Variants in ZNF385B observed in about 807,000 individuals in gnomAD.
The protein encoded by ZNF385B is zinc finger protein 385B.
ZNF385B carries 23 observed loss-of-function variants against 39.2 expected under a neutral mutation model. That is an observed-to-expected ratio of 0.59 (90% CI 0.42 to 0.83). The LOEUF (loss-of-function observed/expected upper bound fraction) is 0.83, where lower values mean the gene tolerates loss of function less well. Ranked by LOEUF, ZNF385B falls within the 40% of genes least tolerant of loss-of-function variation. The probability of loss-of-function intolerance (pLI) is 0.00; values close to 1 mark genes in which losing one functional copy is unlikely to be tolerated. For missense variants in ZNF385B, 552 were observed against 598.9 expected, an observed-to-expected ratio of 0.92 and a Z score of 0.82; for synonymous variants, 205 against 222.6, an observed-to-expected ratio of 0.92 and a Z score of 0.70.
At chr2:179,722,753 AAG>A in intron 3 of ZNF385B, among the ~76,000 whole-genome samples, 1 of 152,300 alleles carries the variant, frequency 6.6e-6, no homozygotes, top group East Asian at 1.9e-4. Flanking sequence ...TAATTTTACT[AAG>A]AGTCACCAAA....
chr2:179,733,782 CAA>C (rs11400555), intron 3 of ZNF385B, among the ~76,000 whole-genome samples: 14,616 of 103,008 alleles, frequency 0.14, 771 homozygotes, highest in East Asian at 0.43. Context: ...GACTCCGTCT[CAA>C]AAAAAAAAAA....
At chr2:179,504,287 T>C (rs1048036461) in intron 5 of ZNF385B, among the ~76,000 whole-genome samples, 7 of 152,002 alleles carry the variant, frequency 4.6e-5, no homozygotes, top group African/African-American at 1.7e-4. Flanking sequence ...TGTTGGACAT[T>C]TGGGTTGGTT....
chr2:179,857,479 T>C (rs1684694650), intron 1 of ZNF385B, among the ~76,000 whole-genome samples: 1 of 152,174 alleles, frequency 6.6e-6, no homozygotes, highest in African/African-American at 2.4e-5. Flanking sequence ...ACTGACTCTC[T>C]CGACAAGTGG....
chr2:179,646,578 C>G (rs1692739569), intron 3 of ZNF385B, among the ~76,000 whole-genome samples: 1 of 152,160 alleles, frequency 6.6e-6, no homozygotes, highest in African/African-American at 2.4e-5. Context: ...GCCCTCAGCC[C>G]AGGGCCCAAA....
intron 5 of ZNF385B, among the ~76,000 whole-genome samples, chr2:179,505,107 A>G (rs1160794478): frequency 6.6e-6 from 1 of 152,134 alleles, no homozygotes; most frequent in Non-Finnish European, 1.5e-5. Context: ...ATGGTTGAAT[A>G]CAGAGGGCCG....
At chr2:179,519,619 C>T (rs1262077667) in intron 4 of ZNF385B, among the ~76,000 whole-genome samples, 1 of 152,160 alleles carries the variant, frequency 6.6e-6, no homozygotes, top group African/African-American at 2.4e-5. Context: ...TGAAAAGAGA[C>T]ACAGCAGTGA....
chr2:179,477,571 GA>G (rs1034005635), intron 6 of ZNF385B, among the ~76,000 whole-genome samples: 1 of 152,104 alleles, frequency 6.6e-6, no homozygotes, highest in African/African-American at 2.4e-5. Flanking sequence ...AAAATGCATT[GA>G]AAATGGGGAG....
At chr2:179,850,193 CT>C (rs1709006799) in intron 1 of ZNF385B, among the ~76,000 whole-genome samples, 1 of 152,126 alleles carries the variant, frequency 6.6e-6, no homozygotes, top group South Asian at 2.1e-4. Context: ...TTCTCACTTC[CT>C]TTCTTTTTAC....
At chr2:179,546,669 G>A (rs111260543) in intron 3 of ZNF385B, among the ~76,000 whole-genome samples, 6,404 of 152,240 alleles carry the variant, frequency 0.042, 154 homozygotes, top group South Asian at 0.088. Context: ...ATTGTGAATA[G>A]TGTTGCTATA....
intron 3 of ZNF385B, among the ~76,000 whole-genome samples, chr2:179,732,122 G>A (rs1005593881): frequency 6.6e-6 from 1 of 152,198 alleles, no homozygotes; most frequent in Non-Finnish European, 1.5e-5. Context: ...CACAGCAGGA[G>A]TTTAATGAAG....
chr2:179,569,678 A>C (rs1003636063), intron 3 of ZNF385B, among the ~76,000 whole-genome samples: 4 of 152,184 alleles, frequency 2.6e-5, no homozygotes, highest in Admixed American at 2.0e-4. Flanking sequence ...TTACTATATA[A>C]GGTCTTTAAG....
chr2:179,685,813 A>C (rs1697880321), intron 3 of ZNF385B, among the ~76,000 whole-genome samples: 1 of 152,238 alleles, frequency 6.6e-6, no homozygotes. Flanking sequence ...AGCAAACCAT[A>C]TTTAGCAAAG....
chr2:179,618,145 T>C lies in ZNF385B; in HGVS notation c.299-73176A>G, dbSNP rs114629819. Among the ~76,000 whole-genome samples, 380 of 152,316 alleles carry C rather than the reference T, an allele frequency of 2.5e-3. 2 individuals carry two copies. The highest frequency in any genetic ancestry group is 8.7e-3 in the African/African-American group (360 of 41,572). Reference sequence around the variant, plus strand: ...AGAAAATGATCACTCTTATACTCATTAAATTCCCAAGCCTTATCAAGGAAG... The same window carrying C: ...AGAAAATGATCACTCTTATACTCATCAAATTCCCAAGCCTTATCAAGGAAG... On this transcript the variant is annotated intron_variant, in intron 3 of 9. Coordinates refer to ENST00000410066, the MANE Select transcript of ZNF385B (RefSeq NM_152520.6).
intron 3 of ZNF385B, among the ~76,000 whole-genome samples, chr2:179,580,659 T>A (rs1308256464): frequency 6.6e-6 from 1 of 152,066 alleles, no homozygotes; most frequent in Non-Finnish European, 1.5e-5. Context: ...GAGCACACAG[T>A]GAGAAGGGGG....
intron 1 of ZNF385B, among the ~76,000 whole-genome samples, chr2:179,782,949 G>C (rs1458954834): frequency 6.6e-6 from 1 of 151,912 alleles, no homozygotes; most frequent in African/African-American, 2.4e-5. Flanking sequence ...ATCAAACTAC[G>C]AATGACATTC....
chr2:179,660,281 TAACA>T (rs1327197135), intron 3 of ZNF385B: 1 of 152,206 alleles, frequency 6.6e-6, no homozygotes, highest in Non-Finnish European at 1.5e-5. Flanking sequence ...CGTTTGAAAC[TAACA>T]AACAATACAG....
Position 179,570,928 on chromosome 2 carries a change from A to G in ZNF385B, c.299-25959T>C, listed in dbSNP as rs550030514. The stretch of plus-strand genomic sequence containing the variant: ...CAAACCGAATATCTTTTTTTAAATC[A>G]AATTTTATTTTTAATGTACTAGAAG... On this transcript the variant is annotated intron_variant, in intron 3 of 9. Coordinates refer to ENST00000410066, the MANE Select transcript of ZNF385B (RefSeq NM_152520.6). 2.6e-5 allele frequency among the ~76,000 whole-genome samples: 4 copies of G among 152,300 alleles called. No homozygotes were observed. In the East Asian group the frequency reaches 7.7e-4, roughly 29 times the overall value.
At chr2:179,852,770 G>C (rs999527567) in intron 1 of ZNF385B, among the ~76,000 whole-genome samples, 3 of 152,164 alleles carry the variant, frequency 2.0e-5, no homozygotes, top group African/African-American at 7.2e-5. Flanking sequence ...AGATTACTGG[G>C]TCCTGCCTCA....
At chr2:179,833,947 T>C (rs1024650365) in intron 1 of ZNF385B, among the ~76,000 whole-genome samples, 4 of 152,120 alleles carry the variant, frequency 2.6e-5, no homozygotes, top group Admixed American at 6.5e-5. Flanking sequence ...TTGGTATTGA[T>C]ATTGGTGTAG....
Sources: gnomAD v4.1 joint callset for allele counts (sites outside exome capture counted in the v4.1 genomes callset) on GRCh38, gnomAD v4.1.1 for gene constraint, MANE v1.5 for transcripts, NCBI Gene and HGNC (gene_info 2026-07-23, HGNC 2026-07-21) for gene names.